CHRNB3: variants seen among roughly 807,000 people sequenced by gnomAD.
CHRNB3 encodes the protein neuronal acetylcholine receptor subunit beta-3.
Under a neutral mutation model 40.6 loss-of-function variants are expected in CHRNB3, and 37 were observed. That is an observed-to-expected ratio of 0.91 (90% CI 0.70 to 1.20). The LOEUF (loss-of-function observed/expected upper bound fraction) is 1.20, where lower values mean the gene tolerates loss of function less well. Ranked by LOEUF, CHRNB3 falls within the 50% of genes most tolerant of loss-of-function variation. The pLI, the probability that CHRNB3 is intolerant of heterozygous loss-of-function variation, is 0.00. For synonymous variants in CHRNB3, 207 were observed against 207.1 expected, an observed-to-expected ratio of 1.00 and a Z score of 0.00; for missense variants, 505 against 551.2, an observed-to-expected ratio of 0.92 and a Z score of 0.84.
chr8:42,702,171 A>G (rs116669334), intron 1 of CHRNB3, among the ~76,000 whole-genome samples: 1,721 of 152,270 alleles, frequency 0.011, 38 homozygotes, highest in African/African-American at 0.04. Flanking sequence ...GGCCAAGTGC[A>G]CGCCATCCCT....
chr8:42,735,946 T>C (rs1320490058), intron 5 of CHRNB3, among the ~76,000 whole-genome samples: 4 of 152,102 alleles, frequency 2.6e-5, no homozygotes, highest in Non-Finnish European at 5.9e-5. Flanking sequence ...TCCTAAGATA[T>C]GCTCTGTCTC....
At chr8:42,731,005 G>A (rs1347595657) in intron 4 of CHRNB3, among the ~76,000 whole-genome samples, 7 of 138,150 alleles carry the variant, frequency 5.1e-5, no homozygotes, top group South Asian at 2.4e-4. Flanking sequence ...CCGAGATTGC[G>A]CCACTGCAGT....
intron 3 of CHRNB3, among the ~76,000 whole-genome samples, chr8:42,720,881 C>T (rs1285332273): frequency 6.6e-6 from 1 of 152,256 alleles, no homozygotes; most frequent in Non-Finnish European, 1.5e-5. Flanking sequence ...TAGTCATCCC[C>T]CATCCTCCTT....
In CHRNB3 at chr8:42,723,448, C is replaced by T. The variant is rs193134886; in HGVS notation, c.250-7146C>T. Among the ~76,000 whole-genome samples, 5 of 152,210 alleles carry T rather than the reference C, an allele frequency of 3.3e-5. No homozygotes were observed. In the East Asian group the frequency reaches 7.7e-4, roughly 23 times the overall value. On this transcript the variant is annotated intron_variant, in intron 3 of 5. Transcript: ENST00000289957. Reference sequence around the variant, plus strand: ...CCAGAAATACCCCTGAGAGCTGAACCGTAGAAAGCTTTCTAGAAACAAATG... The same window carrying T: ...CCAGAAATACCCCTGAGAGCTGAACTGTAGAAAGCTTTCTAGAAACAAATG...
intron 3 of CHRNB3, among the ~76,000 whole-genome samples, chr8:42,716,801 C>T (rs982937908): frequency 2.0e-5 from 3 of 152,024 alleles, no homozygotes; most frequent in Admixed American, 6.6e-5. Context: ...GTCAGTTTCA[C>T]CTTCTGCCTC....
chr8:42,731,262 G>C (rs1816413092), intron 4 of CHRNB3, among the ~76,000 whole-genome samples: 1 of 151,540 alleles, frequency 6.6e-6, no homozygotes, highest in Non-Finnish European at 1.5e-5. Context: ...TGGTAGAAAA[G>C]TCCTAAAATA....
intron 3 of CHRNB3, among the ~76,000 whole-genome samples, chr8:42,722,831 G>A (rs1406008401): frequency 6.6e-6 from 1 of 152,126 alleles, no homozygotes; most frequent in Non-Finnish European, 1.5e-5. Flanking sequence ...GCCTTCCAGA[G>A]TGCAGGGGGT....
chr8:42,725,579 C>T (rs544972395), intron 3 of CHRNB3: 266 of 1,037,504 alleles, frequency 2.6e-4, no homozygotes, highest in Non-Finnish European at 2.8e-4. Context: ...TTGATGCATT[C>T]ACCCTGATAG....
At position 42,708,737 on chromosome 8, in the gene CHRNB3, A is replaced by G. The variant is rs141632890; in HGVS notation, c.73A>G (p.Ile25Val). Reference sequence around the variant, plus strand: ...TACAGCCACCACAGGTTTCAACTCAATCGCCGAAAATGAAGATGCCCTCCT... The same window carrying G: ...TACAGCCACCACAGGTTTCAACTCAGTCGCCGAAAATGAAGATGCCCTCCT... The part of the protein sequence containing the change: ...PSSATTGFNS[I>V]AENEDALLRH... Residue 25 changes from isoleucine (I) to valine (V), a missense_variant, in exon 2 of 6, where the codon ATC (isoleucine) becomes GTC (valine). Physicochemically the swap from Ile to Val is conservative, Grantham distance 29 (BLOSUM62 3). Coordinates refer to ENST00000289957, the MANE Select transcript of CHRNB3 (RefSeq NM_000749.5). 7 of 1,613,898 alleles carry G rather than the reference A, an allele frequency of 4.3e-6. No homozygotes were observed. In the East Asian group the frequency reaches 6.7e-5, roughly 15 times the overall value.
chr8:42,714,284 A>G (rs1816063747), intron 3 of CHRNB3, among the ~76,000 whole-genome samples: 1 of 152,002 alleles, frequency 6.6e-6, no homozygotes, highest in African/African-American at 2.4e-5. Context: ...TCACAAGGTC[A>G]GGAGATTGAG....
chr8:42,711,827 C>G (rs1586396833), intron 3 of CHRNB3, among the ~76,000 whole-genome samples: 1 of 151,972 alleles, frequency 6.6e-6, no homozygotes, highest in Non-Finnish European at 1.5e-5. Flanking sequence ...AGTTTTTCAA[C>G]TTATTCCCCT....
At chr8:42,725,077 TTTTC>T (rs1001470629) in intron 3 of CHRNB3, among the ~76,000 whole-genome samples, 21 of 151,490 alleles carry the variant, frequency 1.4e-4, no homozygotes, top group South Asian at 2.1e-4. Context: ...GTCTTTTCTT[TTTTC>T]TTTCTTTCTT....
chr8:42,712,008 T>C (rs534431189), intron 3 of CHRNB3, among the ~76,000 whole-genome samples: 1 of 152,220 alleles, frequency 6.6e-6, no homozygotes, highest in Admixed American at 6.5e-5. Context: ...TTTCTTTTTT[T>C]TTGAGACCGA....
At chr8:42,718,566 G>C (rs78911953) in intron 3 of CHRNB3, among the ~76,000 whole-genome samples, 1 of 151,296 alleles carries the variant, frequency 6.6e-6, no homozygotes, top group African/African-American at 2.4e-5. Flanking sequence ...CCAGCTACTC[G>C]GGAGGCTGAG....
intron 3 of CHRNB3, among the ~76,000 whole-genome samples, chr8:42,720,317 T>C (rs1264903273): frequency 6.6e-6 from 1 of 151,878 alleles, no homozygotes; most frequent in Non-Finnish European, 1.5e-5. Flanking sequence ...GGTTTCACCA[T>C]GTTGGCCAGG....
At position 42,703,435 on chromosome 8, in the gene CHRNB3, A is replaced by AAAAAAAATATATATATATAT; in HGVS notation, c.53-5281_53-5280insAAAAAATATATATATATATA. Among the ~76,000 whole-genome samples the AAAAAAAATATATATATATAT allele has an allele frequency of 5.3e-4, 25 of 47,398 alleles. 2 individuals are homozygous for AAAAAAAATATATATATATAT. Among genetic ancestry groups the AAAAAAAATATATATATATAT allele is most frequent in the East Asian group, 1.1e-3 (1 of 878 alleles). 31.1% of individuals were successfully genotyped at this position (47,398 alleles called of 152,430 possible). A position where few individuals can be genotyped will look rare whatever the true frequency, so the allele number is the denominator to read the frequency against. ...CAAGACTTCGTCTAAAAAAAAAAAA[A>AAAAAAAATATATATATATAT]ATATTTATATATATATATATATATA... On this transcript the variant is annotated intron_variant, in intron 1 of 5. Coordinates refer to ENST00000289957, the MANE Select transcript of CHRNB3 (RefSeq NM_000749.5).
In CHRNB3 at chr8:42,732,018, C is replaced by A. The variant is rs541929979; in HGVS notation, c.711C>A (p.Thr237=). 4.1e-5 allele frequency: 66 copies of A among 1,613,988 alleles called. No homozygotes were observed. The East Asian group carries it at 9.6e-4, about 23-fold the overall frequency. ...FVLRRLPLFY[T]LFLIIPCLGL... ...TGAGACGCCTGCCTTTATTCTATAC[C>A]CTCTTTCTCATCATCCCCTGCCTGG... The change falls in exon 5 of 6, where the codon ACC becomes ACA. Residue 237 remains threonine (T), a synonymous_variant. Transcript: ENST00000289957.
In CHRNB3 at chr8:42,731,089, TAAAA is replaced by T. The variant is rs1350579314; in HGVS notation, c.359+389_359+392del. Among the ~76,000 whole-genome samples the T allele has an allele frequency of 1.5e-3, 147 of 100,734 alleles. 11 individuals carry two copies. In the South Asian group the frequency reaches 0.022, roughly 15 times the overall value. The allele number at this position is 100,734 out of a possible 152,430, so 66.1% of individuals were successfully genotyped here. ...ATAAATAAATAAATAAATAAATAAATAAAAAATAAAAAGTGAAAAAAAGGAAAGT... is the reference window on the plus strand; with the variant it reads ...ATAAATAAATAAATAAATAAATAAATAATAAAAAGTGAAAAAAAGGAAAGT... On this transcript the variant is annotated intron_variant, in intron 4 of 5. Transcript: ENST00000289957.
chr8:42,697,525 T>C lies in CHRNB3; in HGVS notation c.-22T>C. On this transcript the variant is annotated 5_prime_UTR_variant, in exon 1 of 6. Coordinates refer to ENST00000289957, the MANE Select transcript of CHRNB3 (RefSeq NM_000749.5). ...TCTGTTGTTAAAAAGGAAGAAACTG[T>C]CTTTCTGAAACTGACATCACGATGC... is the stretch of plus-strand genomic sequence containing the variant. 1 of 1,608,452 alleles carries C rather than the reference T, an allele frequency of 6.2e-7. No individual in the cohort carries two copies. The highest frequency in any genetic ancestry group is 8.5e-7 in the Non-Finnish European group (1 of 1,174,986).
Sources: allele counts gnomAD v4.1 joint callset (sites outside exome capture counted in the v4.1 genomes callset), GRCh38; gene constraint gnomAD v4.1.1; transcripts MANE v1.5; gene names NCBI Gene and HGNC (gene_info 2026-07-23, HGNC 2026-07-21).